TDRD10: variants seen among roughly 807,000 people sequenced by gnomAD.
TDRD10 encodes the protein tudor domain-containing protein 10.
Under a neutral mutation model 48.0 loss-of-function variants are expected in TDRD10, and 40 were observed. The observed-to-expected ratio is 0.83, with a 90% CI of 0.65 to 1.09. The LOEUF (loss-of-function observed/expected upper bound fraction) is 1.09, where lower values mean the gene tolerates loss of function less well. Among genes scored for constraint, TDRD10 ranks in the 50% least tolerant of loss-of-function variants. The probability of loss-of-function intolerance (pLI) is 0.00; values close to 1 mark genes in which losing one functional copy is unlikely to be tolerated. For missense variants in TDRD10, 378 were observed against 434.7 expected, an observed-to-expected ratio of 0.87 and a Z score of 1.16; for synonymous variants, 162 against 170.4, an observed-to-expected ratio of 0.95 and a Z score of 0.38.
chr1:154,529,927 A>G (rs574368170), intron 6 of TDRD10, among the ~76,000 whole-genome samples: 1 of 152,342 alleles, frequency 6.6e-6, no homozygotes, highest in Admixed American at 6.5e-5. Flanking sequence ...CTGTTCTCTT[A>G]GGGTAGGTCT....
intron 4 of TDRD10, among the ~76,000 whole-genome samples, chr1:154,509,135 T>TTG (rs1296218729): frequency 4.3e-5 from 6 of 141,034 alleles, no homozygotes; most frequent in Non-Finnish European, 7.6e-5. Flanking sequence ...ATGCAAAATA[T>TTG]TGTGCCTGCA....
chr1:154,515,745 G>A lies in TDRD10; in HGVS notation c.142-4559G>A, dbSNP rs948764767. ...TTTTTATTTTTTGAGATGGAATTTCGCTCTTGTCACCCTGGCTGGAGTACA... is the reference window on the plus strand; with the variant it reads ...TTTTTATTTTTTGAGATGGAATTTCACTCTTGTCACCCTGGCTGGAGTACA... On this transcript the variant is annotated intron_variant, in intron 4 of 12. Coordinates refer to ENST00000368482, the MANE Select transcript of TDRD10 (RefSeq NM_182499.4). Among the ~76,000 whole-genome samples, 6 of 152,036 alleles carry A rather than the reference G, an allele frequency of 3.9e-5. No individual in the cohort carries two copies. The East Asian group carries it at 7.7e-4, about 20-fold the overall frequency.
At chr1:154,547,212 A>G (rs146932852) in intron 11 of TDRD10, among the ~76,000 whole-genome samples, 197 bp from the exon 12 acceptor site, 9 of 152,036 alleles carry the variant, frequency 5.9e-5, no homozygotes, top group African/African-American at 2.2e-4. Flanking sequence ...CCCTCCCCCT[A>G]TGCTACCTTT....
intron 6 of TDRD10, among the ~76,000 whole-genome samples, chr1:154,528,832 T>C (rs1694454248): frequency 6.6e-6 from 1 of 151,968 alleles, no homozygotes; most frequent in Non-Finnish European, 1.5e-5. Context: ...AAAGTAATAA[T>C]AAAGATAAAT....
chr1:154,508,345 T>C, intron 3 of TDRD10, 78 bp from the exon 4 acceptor site: 1 of 991,258 alleles, frequency 1.0e-6, no homozygotes, highest in Non-Finnish European at 1.6e-6. Context: ...AGAGACCCTG[T>C]CTCTATCCTG....
chr1:154,547,872 C>T lies in TDRD10; in HGVS notation c.*162C>T. ...TTGCTTTTACTCCCAGCTTCCCTCT[C>T]AAAAGAGAGTGAAGTCTCATTTGTC... On this transcript the variant is annotated 3_prime_UTR_variant, in exon 13 of 13. Transcript: ENST00000368482. The T allele has an allele frequency of 1.3e-6, 1 of 759,196 alleles. No individual in the cohort carries two copies. The highest frequency in any genetic ancestry group is 2.6e-5 in the East Asian group (1 of 38,470). 47.0% of individuals were successfully genotyped at this position (759,196 alleles called of 1,614,324 possible).
At chr1:154,545,856 C>T (rs867317385) in intron 11 of TDRD10, among the ~76,000 whole-genome samples, 7 of 147,742 alleles carry the variant, frequency 4.7e-5, no homozygotes, top group East Asian at 2.0e-4. Context: ...CTGCAACCTC[C>T]GCCTCCCAAG....
intron 12 of TDRD10, 61 bp from the exon 13 acceptor site, chr1:154,547,617 G>A: frequency 1.2e-6 from 2 of 1,614,218 alleles, no homozygotes; most frequent in South Asian, 1.1e-5. Context: ...TATCTGAGGG[G>A]TTGGGTGAAC....
intron 11 of TDRD10, among the ~76,000 whole-genome samples, chr1:154,546,225 T>C (rs1051846144): frequency 6.7e-6 from 1 of 149,518 alleles, no homozygotes; most frequent in Non-Finnish European, 1.5e-5. Context: ...AGGCATGTGC[T>C]ACTACGCCTG....
intron 4 of TDRD10, among the ~76,000 whole-genome samples, chr1:154,513,462 G>A (rs1693589020): frequency 6.6e-6 from 1 of 152,190 alleles, no homozygotes; most frequent in Admixed American, 6.5e-5. Flanking sequence ...TGACCATTGT[G>A]CAAACCCCAG....
chr1:154,505,950 T>C (rs1295860616), intron 1 of TDRD10, among the ~76,000 whole-genome samples: 12 of 152,240 alleles, frequency 7.9e-5, no homozygotes, highest in Non-Finnish European at 1.8e-4. Flanking sequence ...GATGAAATTT[T>C]CCCAGGGTCT....
Position 154,544,155 on chromosome 1 carries a change from C to T in TDRD10, c.651+45C>T, listed in dbSNP as rs138013108. 2.8e-3 allele frequency: 4,557 copies of T among 1,612,812 alleles called. 7 individuals carry two copies. Among genetic ancestry groups the T allele is most frequent in the Non-Finnish European group, 3.1e-3 (3,674 of 1,179,392 alleles). ...CCCCTCAGGCTCCTGTGCCTTCCTG[C>T]GTGGCCTCCCTAGGGTGGGCATGGT... is the stretch of plus-strand genomic sequence containing the variant. On this transcript the variant is annotated intron_variant, in intron 9 of 12. Coordinates refer to ENST00000368482, the MANE Select transcript of TDRD10 (RefSeq NM_182499.4).
In TDRD10 at chr1:154,533,065, G is replaced by T. The variant is rs144461788; in HGVS notation, c.370-8959G>T. On this transcript the variant is annotated intron_variant, in intron 6 of 12. Transcript: ENST00000368482. ...AGTGGTTTCTATTGACACCCAGGCA[G>T]GGTGGTGGTAGGGAGAGACCGGTTT... 4.4e-3 allele frequency among the ~76,000 whole-genome samples: 668 copies of T among 152,318 alleles called. 5 individuals are homozygous for T. Among genetic ancestry groups the T allele is most frequent in the African/African-American group, 0.015 (627 of 41,560 alleles).
At chr1:154,536,672 C>T (rs747990747) in intron 6 of TDRD10, among the ~76,000 whole-genome samples, 1 of 152,204 alleles carries the variant, frequency 6.6e-6, no homozygotes, top group Non-Finnish European at 1.5e-5. Context: ...AAGATTCCCC[C>T]TTCAGGGCCC....
intron 6 of TDRD10, among the ~76,000 whole-genome samples, chr1:154,532,201 T>G (rs1046797263): frequency 6.6e-6 from 1 of 152,090 alleles, no homozygotes; most frequent in African/African-American, 2.4e-5. Context: ...GTGGGGAGAC[T>G]CAGGCATGGC....
At chr1:154,522,345 TGA>T (rs1694103076) in intron 6 of TDRD10, among the ~76,000 whole-genome samples, 1 of 152,098 alleles carries the variant, frequency 6.6e-6, no homozygotes, top group African/African-American at 2.4e-5. Context: ...GCACAGATGC[TGA>T]GAGATGTAGT....
chr1:154,508,628 C>A, intron 4 of TDRD10, 147 bp downstream of exon 4: 1 of 651,306 alleles, frequency 1.5e-6, no homozygotes, highest in Non-Finnish European at 2.8e-6. Flanking sequence ...CTAGGGTAAC[C>A]AATGCATCAC....
At chr1:154,515,483 A>C (rs1015753224) in intron 4 of TDRD10, among the ~76,000 whole-genome samples, 4 of 151,674 alleles carry the variant, frequency 2.6e-5, no homozygotes, top group Non-Finnish European at 5.9e-5. Flanking sequence ...TGCCCGCCTC[A>C]CTCCTGCCTT....
At chr1:154,504,123 T>C (rs1256575358) in intron 1 of TDRD10, among the ~76,000 whole-genome samples, 1 of 152,224 alleles carries the variant, frequency 6.6e-6, no homozygotes, top group Non-Finnish European at 1.5e-5. Flanking sequence ...TTCAGAGAAG[T>C]GGAATCATGC....
Sources: gnomAD v4.1 joint callset for allele counts (sites outside exome capture counted in the v4.1 genomes callset) on GRCh38, gnomAD v4.1.1 for gene constraint, MANE v1.5 for transcripts, NCBI Gene and HGNC (gene_info 2026-07-23, HGNC 2026-07-21) for gene names.